The following PAK3 variants were observed in gnomAD, a reference collection of about 807,000 sequenced individuals.
PAK3 encodes p21 (RAC1) activated kinase 3.
PAK3 carries 4 observed loss-of-function variants against 41.0 expected under a neutral mutation model. The observed-to-expected ratio is 0.10, with a 90% CI of 0.05 to 0.22. PAK3 has a LOEUF of 0.22. Ranked by LOEUF, PAK3 falls within the 10% of genes least tolerant of loss-of-function variation. The pLI, the probability that PAK3 is intolerant of heterozygous loss-of-function variation, is 1.00. For missense variants in PAK3, 205 were observed against 409.9 expected (o/e 0.50, Z 4.32); for synonymous variants, 146 against 139.6 (o/e 1.05, Z -0.32).
intron 4 of PAK3, among the ~76,000 whole-genome samples, chrX:111,113,938 C>T (rs757218141): frequency 1.0e-3 from 114 of 111,915 alleles, no homozygotes; most frequent in South Asian, 2.3e-3. Context: ...ATCTGTGTCC[C>T]TACAGAGGAC....
At chrX:111,048,697 A>G (rs759621914) in intron 1 of PAK3, among the ~76,000 whole-genome samples, 3 of 112,128 alleles carry the variant, frequency 2.7e-5, no homozygotes, top group African/African-American at 9.7e-5. Context: ...TCAAAAACGT[A>G]TAAAAATCCA....
chrX:111,142,187 G>T lies in PAK3; in HGVS notation c.267G>T (p.Gly89=). ...TIHVGFDAVT[G]EFTGIPEQWA... is the part of the protein sequence containing the mutation. The stretch of plus-strand genomic sequence containing the variant: ...ATGTGGGGTTTGATGCAGTCACCGG[G>T]GAATTCACTGTAAGTAAGCTCCTTG... The change falls in exon 6 of 18, where the codon GGG becomes GGT. Residue 89 remains glycine, a synonymous_variant. Coordinates refer to ENST00000372007, the MANE Select transcript of PAK3 (RefSeq NM_002578.5). The T allele has an allele frequency of 9.2e-7, 1 of 1,082,277 alleles. No individual in the cohort carries two copies. The highest frequency in any genetic ancestry group is 1.3e-6 in the Non-Finnish European group (1 of 777,046). The allele number at this position is 1,082,277 out of a possible 1,213,427, so 89.2% of individuals were successfully genotyped here. A position where few individuals can be genotyped will look rare whatever the true frequency, so the allele number is the denominator to read the frequency against.
At chrX:111,062,985 C>G (rs1457571753) in intron 1 of PAK3, among the ~76,000 whole-genome samples, 1 of 109,440 alleles carries the variant, frequency 9.1e-6, no homozygotes, top group Non-Finnish European at 1.9e-5. Flanking sequence ...ACATCTTCAA[C>G]TACTGCTACC....
chrX:111,119,973 A>G (rs2093540375), intron 4 of PAK3, among the ~76,000 whole-genome samples: 1 of 112,472 alleles, frequency 8.9e-6, no homozygotes, highest in Non-Finnish European at 1.9e-5. Context: ...TGTAATGGGT[A>G]GTAAAGAACC....
rs1453803744 is a variant in PAK3 at position 111,030,429 on chromosome X, C to T, written c.-28+85801C>T. 2.7e-5 allele frequency among the ~76,000 whole-genome samples: 3 copies of T among 111,546 alleles called. No individual in the cohort carries two copies. The Admixed American group carries it at 2.9e-4, about 11-fold the overall frequency. On this transcript the variant is annotated intron_variant, in intron 1 of 14. Transcript: ENST00000425146. ...TCAACAATTGTTAAAGATCCGATTTCCATATTTGCCACCAGAATTTTCACA... is the reference window on the plus strand; with the variant it reads ...TCAACAATTGTTAAAGATCCGATTTTCATATTTGCCACCAGAATTTTCACA...
intron 1 of PAK3, among the ~76,000 whole-genome samples, chrX:110,986,063 G>T (rs887939071): frequency 1.8e-5 from 2 of 111,173 alleles, no homozygotes; most frequent in Non-Finnish European, 3.8e-5. Context: ...CCATAGGGTA[G>T]CAGCTACTTT....
intron 6 of PAK3, among the ~76,000 whole-genome samples, chrX:111,143,210 G>A (rs1202319563): frequency 9.0e-6 from 1 of 111,158 alleles, no homozygotes; most frequent in Non-Finnish European, 1.9e-5. Flanking sequence ...ATATTAAGTA[G>A]TTGAGTTTTT....
chrX:111,191,074 T>C (rs1388898968), intron 11 of PAK3, among the ~76,000 whole-genome samples: 1 of 111,857 alleles, frequency 8.9e-6, no homozygotes, highest in Non-Finnish European at 1.9e-5. Context: ...TGCTAAGATA[T>C]AAAGAATGAT....
intron 1 of PAK3, among the ~76,000 whole-genome samples, chrX:111,034,620 A>G (rs7057174): frequency 0.027 from 2,956 of 111,514 alleles, 89 homozygotes; most frequent in African/African-American, 0.09. Flanking sequence ...CCATGACAAC[A>G]TCTGCATCCT....
At chrX:111,187,734 G>A (rs1444848284) in intron 11 of PAK3, among the ~76,000 whole-genome samples, 1 of 111,086 alleles carries the variant, frequency 9.0e-6, no homozygotes, top group Non-Finnish European at 1.9e-5. Context: ...TGGGGAAAAG[G>A]TGGTAAATTT....
intron 11 of PAK3, among the ~76,000 whole-genome samples, chrX:111,187,905 T>G (rs1424957234): frequency 1.9e-5 from 2 of 107,645 alleles, no homozygotes; most frequent in Non-Finnish European, 3.8e-5. Flanking sequence ...GGAGAGGATA[T>G]TACCATTTTA....
chrX:111,157,362 G>A (rs1025852570), intron 8 of PAK3, among the ~76,000 whole-genome samples: 4 of 111,568 alleles, frequency 3.6e-5, no homozygotes, highest in East Asian at 2.8e-4. Flanking sequence ...CTAGAGCAAC[G>A]TTCAGAACTT....
chrX:111,106,818 G>A lies in PAK3; in HGVS notation c.-28+3512G>A, dbSNP rs1008216457. ...ACCAGTTGCCAGAGGAAAAATGTTG[G>A]TCTCATCCAGGAGGTCAATGAGAAA... On this transcript the variant is annotated intron_variant, in intron 4 of 17. Transcript: ENST00000372007. Among the ~76,000 whole-genome samples, 3 of 112,122 alleles carry A rather than the reference G, an allele frequency of 2.7e-5. No individual in the cohort carries two copies. In the Admixed American group the frequency reaches 2.8e-4, roughly 11 times the overall value.
At chrX:111,115,862 T>C (rs193068453) in intron 4 of PAK3, among the ~76,000 whole-genome samples, 24 of 111,209 alleles carry the variant, frequency 2.2e-4, no homozygotes, top group African/African-American at 7.5e-4. Flanking sequence ...TGTAGAAAGC[T>C]GATTTGGGTA....
At chrX:111,177,890 CT>C (rs2094423289) in intron 11 of PAK3, among the ~76,000 whole-genome samples, 1 of 111,356 alleles carries the variant, frequency 9.0e-6, no homozygotes, top group Non-Finnish European at 1.9e-5. Flanking sequence ...AAAAACAGGC[CT>C]TTTTTTCTCT....
intron 11 of PAK3, among the ~76,000 whole-genome samples, chrX:111,182,458 C>T (rs775887831): frequency 5.4e-5 from 6 of 111,279 alleles, no homozygotes; most frequent in African/African-American, 2.0e-4. Context: ...ACCATCTGGC[C>T]CCAGCTACAT....
chrX:111,087,714 T>C (rs1304114569), intron 1 of PAK3, among the ~76,000 whole-genome samples: 1 of 96,169 alleles, frequency 1.0e-5, no homozygotes, highest in Non-Finnish European at 2.0e-5. Flanking sequence ...GGATGTTCAT[T>C]ACCAGAACGA....
rs145108532 is a variant in PAK3, at chrX:111,147,886, A to C, written c.426A>C (p.Ser142=). ...VNNQKYMSFT[S]GDKSAHGYIA... is the part of the protein sequence containing the mutation. The stretch of plus-strand genomic sequence containing the variant: ...ACCAGAAATACATGAGCTTTACATC[A>C]GGAGGTAAGAGGAAGTCTGTGGTAT... The change falls in exon 7 of 18, where the codon TCA becomes TCC. Residue 142 remains serine (S), a synonymous_variant. Transcript: ENST00000372007. 18 of 1,185,531 alleles carry C rather than the reference A, an allele frequency of 1.5e-5. No individual in the cohort carries two copies. In the African/African-American group the frequency reaches 3.0e-4, roughly 20 times the overall value.
At chrX:111,176,061 C>T (rs1265744731) in intron 11 of PAK3, among the ~76,000 whole-genome samples, 1 of 111,330 alleles carries the variant, frequency 9.0e-6, no homozygotes, top group Non-Finnish European at 1.9e-5. Context: ...CTTTTGTCTT[C>T]TTTAGTGTTT....
Sources: gnomAD v4.1 joint callset for allele counts (sites outside exome capture counted in the v4.1 genomes callset) on GRCh38, gnomAD v4.1.1 for gene constraint, MANE v1.5 for transcripts, NCBI Gene and HGNC (gene_info 2026-07-23, HGNC 2026-07-21) for gene names.